Variants in RGL1 observed in about 807,000 individuals in gnomAD.
RGL1 encodes the protein ral guanine nucleotide dissociation stimulator-like 1.
In RGL1, 24 loss-of-function variants were observed where a neutral mutation model predicts 95.2. The ratio of observed to expected loss-of-function variants is 0.25; its 90% CI spans 0.18 to 0.35. The LOEUF is 0.35. RGL1 is among the 10% of genes least tolerant of loss of function. The pLI, the probability that RGL1 is intolerant of heterozygous loss-of-function variation, is 1.00. For synonymous variants in RGL1, 329 were observed against 344.9 expected, an observed-to-expected ratio of 0.95 and a Z score of 0.51; for missense variants, 715 against 936.3, an observed-to-expected ratio of 0.76 and a Z score of 3.08.
intron 1 of RGL1, among the ~76,000 whole-genome samples, chr1:183,679,433 G>T (rs1653055046): frequency 7.8e-6 from 1 of 127,610 alleles, no homozygotes; most frequent in African/African-American, 3.1e-5. Flanking sequence ...TCCCCTCCCT[G>T]TGTCCATGTG....
At chr1:183,708,738 C>G (rs2182597) in intron 1 of RGL1, among the ~76,000 whole-genome samples, 72,280 of 152,056 alleles carry the variant, frequency 0.48, 17,818 homozygotes, top group East Asian at 0.76. Context: ...CTCTGTTAAC[C>G]CGGCTCCTGG....
chr1:183,847,583 G>T lies in RGL1; in HGVS notation c.156G>T (p.Leu52=), dbSNP rs562796077. 1 of 1,614,046 alleles carries T rather than the reference G, an allele frequency of 6.2e-7. No homozygotes were observed. Among genetic ancestry groups the T allele is most frequent in the East Asian group, 2.2e-5 (1 of 44,890 alleles). The change falls in exon 3 of 18, where the codon CTG becomes CTT. Residue 52 remains leucine (L), a synonymous_variant. Transcript: ENST00000360851. ...TTATACAGGTTGAAGGGGACCAGCT[G>T]CCTCCAGGACACACAGTCAGTCAAT... ...ARWLGVEGDQ[L]PPGHTVSQYE...
At chr1:183,775,683 A>T (rs776922027) in intron 2 of RGL1, among the ~76,000 whole-genome samples, 1 of 152,220 alleles carries the variant, frequency 6.6e-6, no homozygotes, top group Non-Finnish European at 1.5e-5. Flanking sequence ...GTGTATAATA[A>T]TATCCTTATG....
At chr1:183,653,991 G>C (rs1650960758) in intron 1 of RGL1, among the ~76,000 whole-genome samples, 1 of 152,162 alleles carries the variant, frequency 6.6e-6, no homozygotes, top group Non-Finnish European at 1.5e-5. Context: ...CCACCTGAAG[G>C]AGTGAGTGGG....
chr1:183,651,322 T>G (rs1040627311), intron 1 of RGL1, among the ~76,000 whole-genome samples: 1 of 152,186 alleles, frequency 6.6e-6, no homozygotes, highest in East Asian at 1.9e-4. Context: ...AGAATATATT[T>G]TTCACTTTTC....
At chr1:183,867,121 A>G (rs1009841156) in intron 4 of RGL1, among the ~76,000 whole-genome samples, 7 of 152,210 alleles carry the variant, frequency 4.6e-5, no homozygotes, top group Admixed American at 3.3e-4. Flanking sequence ...AGCTCAGTCT[A>G]GATTTCAGGG....
intron 1 of RGL1, among the ~76,000 whole-genome samples, chr1:183,715,380 TTGGTGAACTGATTGTTATATA>T (rs1397346832): frequency 5.3e-5 from 8 of 152,160 alleles, no homozygotes; most frequent in Non-Finnish European, 2.9e-5. Context: ...GAACTGATTG[TTGGTGAACTGATTGTTATATA>T]TGGTGAACTG....
intron 1 of RGL1, among the ~76,000 whole-genome samples, chr1:183,678,324 T>C (rs1652971999): frequency 6.6e-6 from 1 of 152,216 alleles, no homozygotes; most frequent in Non-Finnish European, 1.5e-5. Context: ...TTCTTCCCTA[T>C]CATGATACCA....
intron 2 of RGL1, among the ~76,000 whole-genome samples, chr1:183,843,022 T>G (rs1664170721): frequency 6.6e-6 from 1 of 152,236 alleles, no homozygotes; most frequent in African/African-American, 2.4e-5. Context: ...TTTTAAGTTT[T>G]TGTTTCATAA....
At chr1:183,742,614 A>T (rs930847354) in intron 2 of RGL1, among the ~76,000 whole-genome samples, 2 of 152,038 alleles carry the variant, frequency 1.3e-5, no homozygotes, top group Admixed American at 6.6e-5. Flanking sequence ...ATTCTTTCTC[A>T]AGGCTGCCCT....
At chr1:183,764,343 G>A (rs1409624608) in intron 2 of RGL1, among the ~76,000 whole-genome samples, 1 of 152,128 alleles carries the variant, frequency 6.6e-6, no homozygotes, top group Admixed American at 6.5e-5. Flanking sequence ...AATCAGGGAG[G>A]AGTAAGGAAG....
chr1:183,827,484 T>C (rs12131255), intron 2 of RGL1, among the ~76,000 whole-genome samples: 39,849 of 152,234 alleles, frequency 0.26, 6,443 homozygotes, highest in East Asian at 0.43. Context: ...AGGACGTCAG[T>C]GGCCTGTTTG....
chr1:183,670,900 G>GT (rs1403300772), intron 1 of RGL1, among the ~76,000 whole-genome samples: 3 of 152,118 alleles, frequency 2.0e-5, no homozygotes, highest in Admixed American at 6.5e-5. Flanking sequence ...TTGGGCTATC[G>GT]TATTAGTCCA....
chr1:183,693,981 A>G (rs559174483), intron 1 of RGL1, among the ~76,000 whole-genome samples: 5 of 152,334 alleles, frequency 3.3e-5, no homozygotes, highest in Admixed American at 3.3e-4. Context: ...ACCAAATTTT[A>G]ATCAGTCTCC....
Position 183,722,484 on chromosome 1 carries a change from C to G in RGL1, c.-32-19642C>G, listed in dbSNP as rs78141286. On this transcript the variant is annotated intron_variant, in intron 1 of 18. Transcript: ENST00000304685. Reference sequence around the variant, plus strand: ...TATAAACTCACAGAGCTAAGAAACTCGGAACATGAAGCAAGATACCTACTA... The same window carrying G: ...TATAAACTCACAGAGCTAAGAAACTGGGAACATGAAGCAAGATACCTACTA... Among the ~76,000 whole-genome samples, 828 of 152,046 alleles carry G rather than the reference C, an allele frequency of 5.4e-3. 15 individuals are homozygous for G. The East Asian group carries it at 0.086, about 16-fold the overall frequency.
At chr1:183,717,993 T>A (rs1481371679) in intron 1 of RGL1, among the ~76,000 whole-genome samples, 2 of 152,184 alleles carry the variant, frequency 1.3e-5, no homozygotes, top group Admixed American at 1.3e-4. Flanking sequence ...ACGCCTGTAA[T>A]TCCAGCACTT....
intron 4 of RGL1, among the ~76,000 whole-genome samples, chr1:183,880,401 A>G (rs556834769): frequency 6.6e-6 from 1 of 152,278 alleles, no homozygotes; most frequent in South Asian, 2.1e-4. Flanking sequence ...AAACCTTATC[A>G]GTTTCACTGC....
chr1:183,833,331 A>G (rs1341475331), intron 2 of RGL1, among the ~76,000 whole-genome samples: 1 of 152,178 alleles, frequency 6.6e-6, no homozygotes, highest in African/African-American at 2.4e-5. Flanking sequence ...AATAAACCCT[A>G]GTCATCCTTG....
chr1:183,665,748 A>G (rs1022244084), intron 1 of RGL1, among the ~76,000 whole-genome samples: 1 of 152,096 alleles, frequency 6.6e-6, no homozygotes, highest in East Asian at 1.9e-4. Context: ...TTCATTTCTG[A>G]TATTAGTAAT....
Sources: allele counts gnomAD v4.1 joint callset (sites outside exome capture counted in the v4.1 genomes callset), GRCh38; gene constraint gnomAD v4.1.1; transcripts MANE v1.5; gene names NCBI Gene and HGNC (gene_info 2026-07-23, HGNC 2026-07-21).